The following DYNC2H1 variants were observed in gnomAD, a reference collection of about 807,000 sequenced individuals.
DYNC2H1 encodes the protein dynein cytoplasmic 2 heavy chain 1.
Under a neutral mutation model 570.0 loss-of-function variants are expected in DYNC2H1, and 410 were observed. The ratio of observed to expected loss-of-function variants is 0.72; its 90% CI spans 0.66 to 0.78. The LOEUF (loss-of-function observed/expected upper bound fraction) is 0.78. DYNC2H1 is among the 30% of genes least tolerant of loss of function. The pLI is 0.00. For missense variants in DYNC2H1, 4,865 were observed against 5,046.4 expected (o/e 0.96, Z 1.09); for synonymous variants, 1,688 against 1,677.6 (o/e 1.01, Z -0.15).
intron 18 of DYNC2H1, among the ~76,000 whole-genome samples, chr11:103,144,934 G>A (rs1406789946): frequency 1.3e-5 from 2 of 151,710 alleles, no homozygotes; most frequent in African/African-American, 2.4e-5. Context: ...AGGCTGGAGT[G>A]TAGTGGCATG....
chr11:103,114,348 C>G, intron 3 of DYNC2H1, 110 bp downstream of exon 3: 1 of 1,254,582 alleles, frequency 8.0e-7, no homozygotes, highest in Non-Finnish European at 1.1e-6. Flanking sequence ...TGGAATTTCT[C>G]TGAGCATAGG....
chr11:103,165,892 C>T lies in DYNC2H1; in HGVS notation c.4612-6C>T. ...TTTAAAAATAATTTTTCTCTTTATT[C>T]AATAGATTTTATGCTTGGCGGAGCA... On this transcript the variant is annotated splice_region_variant and splice_polypyrimidine_tract_variant and intron_variant, in intron 30 of 88. Transcript: ENST00000375735. The T allele has an allele frequency of 6.9e-7, 1 of 1,449,144 alleles. No individual in the cohort carries two copies. Among genetic ancestry groups the T allele is most frequent in the Non-Finnish European group, 9.1e-7 (1 of 1,101,382 alleles). The allele number at this position is 1,449,144 out of a possible 1,614,324, so 89.8% of individuals were successfully genotyped here.
rs1942366331 is a variant in DYNC2H1, at chr11:103,395,611, C to T, written c.12157-4052C>T. 6.6e-6 allele frequency among the ~76,000 whole-genome samples: 1 copy of T among 152,022 alleles called. No individual in the cohort carries two copies. The highest frequency in any genetic ancestry group is 6.6e-5 in the Admixed American group (1 of 15,250). ...AATTTATGATCCCTCAGGTTCAAGT[C>T]TAGTAGAAAGAAACAGTTACCTATT... On this transcript the variant is annotated intron_variant, in intron 83 of 88. Transcript: ENST00000375735. This position sits in a 1 kb window ranked among gnomAD's most constrained non-coding sequence, Gnocchi z 4.3.
At chr11:103,137,973 T>C (rs1434210531) in intron 17 of DYNC2H1, among the ~76,000 whole-genome samples, 2 of 151,038 alleles carry the variant, frequency 1.3e-5, no homozygotes, top group Non-Finnish European at 3.0e-5. Context: ...CTAGGTATTT[T>C]ATTCTCTTTG....
chr11:103,392,412 C>G (rs1942196249), intron 83 of DYNC2H1, among the ~76,000 whole-genome samples: 1 of 152,220 alleles, frequency 6.6e-6, no homozygotes, highest in South Asian at 2.1e-4. Context: ...CTTTCCTTGG[C>G]TAGGAAAGGG....
At chr11:103,470,042 G>T (rs757046784) in intron 88 of DYNC2H1, among the ~76,000 whole-genome samples, 1 of 151,972 alleles carries the variant, frequency 6.6e-6, no homozygotes, top group Non-Finnish European at 1.5e-5. Flanking sequence ...AGTATAAACA[G>T]GTTCACTTGA....
chr11:103,266,204 G>A (rs141117407), intron 70 of DYNC2H1, among the ~76,000 whole-genome samples: 433 of 152,262 alleles, frequency 2.8e-3, no homozygotes, highest in African/African-American at 9.8e-3. Flanking sequence ...AGCAGCAGTG[G>A]TAGCAGCAGC....
chr11:103,331,969 A>T (rs1938820832), intron 82 of DYNC2H1, among the ~76,000 whole-genome samples: 1 of 151,974 alleles, frequency 6.6e-6, no homozygotes, highest in African/African-American at 2.4e-5. Context: ...GTAAGGCAGG[A>T]GAATTGCTTG....
chr11:103,142,086 AC>A (rs1285027192), intron 17 of DYNC2H1, among the ~76,000 whole-genome samples: 1 of 152,098 alleles, frequency 6.6e-6, no homozygotes, highest in Non-Finnish European at 1.5e-5. Flanking sequence ...GGTGGGATTG[AC>A]CCGATTTTCC....
Position 103,379,058 on chromosome 11 carries a change from C to T in DYNC2H1, c.12157-20605C>T, listed in dbSNP as rs118174791. The stretch of plus-strand genomic sequence containing the variant: ...ATTGCATGCTATGGTATATTAGGTT[C>T]GCTGCTGCCTATGGCTAGTTGTTGA... On this transcript the variant is annotated intron_variant, in intron 83 of 88. Transcript: ENST00000375735. Among the ~76,000 whole-genome samples, 847 of 152,248 alleles carry T rather than the reference C, an allele frequency of 5.6e-3. 5 individuals carry two copies. Among genetic ancestry groups the T allele is most frequent in the Non-Finnish European group, 9.9e-3 (672 of 68,028 alleles).
rs184874987 is a variant in DYNC2H1 at position 103,215,771 on chromosome 11, C to T, written c.8745C>T (p.Asn2915=). 5 of 1,611,710 alleles carry T rather than the reference C, an allele frequency of 3.1e-6. No homozygotes were observed. In the African/African-American group the frequency reaches 5.3e-5, roughly 17 times the overall value. The change falls in exon 55 of 89, where the codon AAC becomes AAT. Residue 2915 remains asparagine, a synonymous_variant. Coordinates refer to ENST00000375735, the MANE Select transcript of DYNC2H1 (RefSeq NM_001377.3). ...CTAAAGCTCTTGTGGATGAACTGAA[C>T]AGAAAAGCTGGAGAACAAAGTGTGT... The part of the protein sequence containing the change: ...NEAKALVDEL[N]RKAGEQSVLL...
chr11:103,112,704 AC>A (rs946164062), intron 1 of DYNC2H1, among the ~76,000 whole-genome samples: 11 of 152,150 alleles, frequency 7.2e-5, no homozygotes. Context: ...GTGGCATGAG[AC>A]CCATAGCTGT....
rs151107932 is a variant in DYNC2H1 at position 103,426,501 on chromosome 11, T to C, written c.12367-9442T>C. On this transcript the variant is annotated intron_variant, in intron 84 of 88. Coordinates refer to ENST00000375735, the MANE Select transcript of DYNC2H1 (RefSeq NM_001377.3). The stretch of plus-strand genomic sequence containing the variant: ...AAACAAACTTTTGAGAGTGAAAATA[T>C]TGTCAATAATTTTTAGTTATATTTT... Among the ~76,000 whole-genome samples the C allele has an allele frequency of 2.8e-3, 422 of 152,320 alleles. 1 individual carries two copies. Among genetic ancestry groups the C allele is most frequent in the African/African-American group, 9.7e-3 (405 of 41,572 alleles).
chr11:103,448,595 A>G (rs894654999), intron 85 of DYNC2H1, among the ~76,000 whole-genome samples: 1 of 152,228 alleles, frequency 6.6e-6, no homozygotes, highest in Non-Finnish European at 1.5e-5. Context: ...CTCAATCCAC[A>G]GTAGAAGAGG....
At chr11:103,229,294 G>A (rs1414594028) in intron 59 of DYNC2H1, among the ~76,000 whole-genome samples, 3 of 152,178 alleles carry the variant, frequency 2.0e-5, no homozygotes, top group African/African-American at 4.8e-5. Context: ...TTCTTGCAGC[G>A]AAAGTTCACC....
At position 103,153,215 on chromosome 11, in the gene DYNC2H1, T is replaced by G. The variant is rs981426602; in HGVS notation, c.3097-88T>G. The G allele has an allele frequency of 7.3e-6, 9 of 1,226,626 alleles. No individual in the cohort carries two copies. The African/African-American group carries it at 1.4e-4, about 20-fold the overall frequency. 76.0% of individuals were successfully genotyped at this position (1,226,626 alleles called of 1,614,324 possible). The stretch of plus-strand genomic sequence containing the variant: ...CATTGGTCATTGATATTTTTTCACT[T>G]TTAAATAGAAAATATTAGAAAGAAA... On this transcript the variant is annotated intron_variant, in intron 21 of 88. Coordinates refer to ENST00000375735, the MANE Select transcript of DYNC2H1 (RefSeq NM_001377.3).
chr11:103,173,242 C>G lies in DYNC2H1; in HGVS notation c.5495C>G (p.Ser1832Trp). 1 of 1,600,012 alleles carries G rather than the reference C, an allele frequency of 6.2e-7. No individual in the cohort carries two copies. Among genetic ancestry groups the G allele is most frequent in the Non-Finnish European group, 8.5e-7 (1 of 1,173,376 alleles). The stretch of plus-strand genomic sequence containing the variant: ...CTTATTGCAGAAGTTATTCTCTATT[C>G]GGAAGGCTTTAAAGACGCTAAAGTA... ...NELIAEVILYSEGFKDAKVLS... is the reference protein window; with the variant it reads ...NELIAEVILYWEGFKDAKVLS... Residue 1832 changes from serine (S) to tryptophan (W), a missense_variant, in exon 35 of 89, where the codon TCG (serine) becomes TGG (tryptophan). Physicochemically the swap from Ser to Trp is radical, Grantham distance 177 (BLOSUM62 -3). Around this residue, in one of 5 missense-constraint regions of DYNC2H1, gnomAD observed 292 missense variants for 300.2 expected, o/e 0.97. Coordinates refer to ENST00000375735, the MANE Select transcript of DYNC2H1 (RefSeq NM_001377.3).
rs1184459706 is a variant in DYNC2H1, at chr11:103,334,425, A to T, written c.12039+10435A>T. ...TGTAAATCAATTGTAAATTGGATAA[A>T]TCAGTTTGCAAATTATAAATATCAA... On this transcript the variant is annotated intron_variant, in intron 82 of 88. Coordinates refer to ENST00000375735, the MANE Select transcript of DYNC2H1 (RefSeq NM_001377.3). The surrounding 1 kb of genome is among the most constrained non-coding windows in gnomAD (Gnocchi z 4.3). 1.3e-5 allele frequency among the ~76,000 whole-genome samples: 2 copies of T among 152,178 alleles called. No homozygotes were observed. Among genetic ancestry groups the T allele is most frequent in the African/African-American group, 4.8e-5 (2 of 41,458 alleles).
At chr11:103,318,759 T>G (rs919813280) in intron 80 of DYNC2H1, among the ~76,000 whole-genome samples, 3 of 152,140 alleles carry the variant, frequency 2.0e-5, no homozygotes, top group South Asian at 2.1e-4. Flanking sequence ...ATCAGAAAAG[T>G]ACACATAAAT....
Sources: allele counts gnomAD v4.1 joint callset (sites outside exome capture counted in the v4.1 genomes callset), GRCh38; gene constraint gnomAD v4.1.1; regional missense constraint gnomAD v4.1.1; non-coding constraint Gnocchi (gnomAD v3.1); transcripts MANE v1.5; gene names NCBI Gene and HGNC (gene_info 2026-07-23, HGNC 2026-07-21).